Variants in EDF1 observed in about 807,000 individuals in gnomAD.
The protein encoded by EDF1 is endothelial differentiation related factor 1, also known as endothelial differentiation-related factor 1.
In EDF1, 5 loss-of-function variants were observed where a neutral mutation model predicts 20.8. The ratio of observed to expected loss-of-function variants is 0.24; its 90% confidence interval spans 0.13 to 0.51. EDF1 has a LOEUF of 0.51. Among genes scored for constraint, EDF1 ranks in the 20% least tolerant of loss-of-function variants. The pLI is 0.97. For missense variants in EDF1, 137 were observed against 197.8 expected, an observed-to-expected ratio of 0.69 and a Z score of 1.84; for synonymous variants, 96 against 78.5, an observed-to-expected ratio of 1.22 and a Z score of -1.18.
chr9:136,862,282 G>C lies in EDF1; in HGVS notation c.*2C>G. On this transcript the variant is annotated 3_prime_UTR_variant, in exon 5 of 5. Transcript: ENST00000224073. The surrounding 1 kb of genome is among the most constrained non-coding windows in gnomAD (Gnocchi z 4.1). ...GAGCGCACTGATTTCGAGGCTTTGT[G>C]TTCATTTCGCCCTAGGCCCCTTCTC... is the stretch of plus-strand genomic sequence containing the variant. 1 of 1,613,998 alleles carries C rather than the reference G, an allele frequency of 6.2e-7. No individual in the cohort carries two copies. Among genetic ancestry groups the C allele is most frequent in the Non-Finnish European group, 8.5e-7 (1 of 1,179,994 alleles).
chr9:136,865,195 C>G (rs150874291), intron 1 of EDF1, among the ~76,000 whole-genome samples: 1 of 152,150 alleles, frequency 6.6e-6, no homozygotes. Context: ...GAGGCAGAGG[C>G]GGTGACTAAA....
At position 136,863,573 on chromosome 9, in the gene EDF1, G is replaced by A; in HGVS notation, c.131-125C>T. ...TCAAGGGGACATGGGAACCCAGGCT[G>A]TCCCAAGTTCACACACCTCAGGTCG... On this transcript the variant is annotated intron_variant, in intron 2 of 4. Transcript: ENST00000224073. This position sits in a 1 kb window ranked among gnomAD's most constrained non-coding sequence, Gnocchi z 4.5. The A allele has an allele frequency of 7.7e-7, 1 of 1,306,204 alleles. No individual in the cohort carries two copies. The highest frequency in any genetic ancestry group is 1.0e-6 in the Non-Finnish European group (1 of 964,156). The allele number at this position is 1,306,204 out of a possible 1,614,324, so 80.9% of individuals were successfully genotyped here.
At position 136,866,170 on chromosome 9, in the gene EDF1, C is replaced by G; in HGVS notation, c.78+11G>C. The G allele has an allele frequency of 6.3e-7, 1 of 1,594,262 alleles. No individual in the cohort carries two copies. The highest frequency in any genetic ancestry group is 1.4e-5 in the African/African-American group (1 of 72,036). On this transcript the variant is annotated intron_variant, in intron 1 of 4. Coordinates refer to ENST00000224073, the MANE Select transcript of EDF1 (RefSeq NM_003792.4). ...CCGCCCGGCCCGGCCGCTCCTCAGTCAGCAAAGCACCTGCTTGGATTTGGC... is the reference window on the plus strand; with the variant it reads ...CCGCCCGGCCCGGCCGCTCCTCAGTGAGCAAAGCACCTGCTTGGATTTGGC...
rs1228489578 is a variant in EDF1 at position 136,866,288 on chromosome 9, G to C, written c.-30C>G. ...GGCGAAGACGAGCGTCCGTCCGGCGGCTCAGCGGCAGCTGCTAGAGACCTG... is the reference window on the plus strand; with the variant it reads ...GGCGAAGACGAGCGTCCGTCCGGCGCCTCAGCGGCAGCTGCTAGAGACCTG... On this transcript the variant is annotated 5_prime_UTR_variant, in exon 1 of 5. Transcript: ENST00000224073. 1.3e-6 allele frequency: 2 copies of C among 1,590,916 alleles called. No individual in the cohort carries two copies. The highest frequency in any genetic ancestry group is 2.3e-5 in the South Asian group (2 of 88,472).
intron 1 of EDF1, 25 bp downstream of exon 1, chr9:136,866,156 G>T: frequency 6.3e-7 from 1 of 1,581,212 alleles, no homozygotes; most frequent in Non-Finnish European, 8.6e-7. Flanking sequence ...CGCCCGGCCC[G>T]GCCGCTCCTC....
Position 136,862,450 on chromosome 9 carries a change from C to T in EDF1, c.386-105G>A, listed in dbSNP as rs750229317. On this transcript the variant is annotated intron_variant, in intron 4 of 4. Transcript: ENST00000224073. The surrounding 1 kb of genome is among the most constrained non-coding windows in gnomAD (Gnocchi z 4.1). ...CAGGGAAGGGGGGCCACGCCGCTCC[C>T]GTGCCTCACTGGGCTCTCAGCACAC... 3.1e-6 allele frequency: 5 copies of T among 1,613,514 alleles called. No homozygotes were observed. Among genetic ancestry groups the T allele is most frequent in the Admixed American group, 3.3e-5 (2 of 60,026 alleles).
At chr9:136,864,918 C>T (rs747856506) in intron 1 of EDF1, among the ~76,000 whole-genome samples, 4 of 152,164 alleles carry the variant, frequency 2.6e-5, no homozygotes, top group Admixed American at 6.5e-5. Context: ...CCACCGCGCC[C>T]GGCCAACATT....
In EDF1 at chr9:136,862,121, C is replaced by T; in HGVS notation, c.*163G>A. ...GAAAAACAGCCAGCAGAACCCAGCG[C>T]TTTGCAAGGTTTTGTTTGTTTGACA... On this transcript the variant is annotated 3_prime_UTR_variant, in exon 5 of 5. Coordinates refer to ENST00000224073, the MANE Select transcript of EDF1 (RefSeq NM_003792.4). This position sits in a 1 kb window ranked among gnomAD's most constrained non-coding sequence, Gnocchi z 4.1. The T allele has an allele frequency of 1.1e-6, 1 of 901,978 alleles. No homozygotes were observed. The highest frequency in any genetic ancestry group is 1.8e-6 in the Non-Finnish European group (1 of 565,428). The allele number at this position is 901,978 out of a possible 1,614,324, so 55.9% of individuals were successfully genotyped here. A position where few individuals can be genotyped will look rare whatever the true frequency, so the allele number is the denominator to read the frequency against.
Position 136,862,431 on chromosome 9 carries a change from AG to A in EDF1, c.386-87del, listed in dbSNP as rs545894668. The A allele has an allele frequency of 1.2e-6, 2 of 1,613,628 alleles. No homozygotes were observed. Among genetic ancestry groups the A allele is most frequent in the Non-Finnish European group, 1.7e-6 (2 of 1,179,944 alleles). On this transcript the variant is annotated intron_variant, in intron 4 of 4. Transcript: ENST00000224073. The surrounding 1 kb of genome is among the most constrained non-coding windows in gnomAD (Gnocchi z 4.1). ...CCCCTCTTCAACATCTTCCCAGGGA[AG>A]GGGGGCCACGCCGCTCCCGTGCCTC...
chr9:136,863,213 CG>C lies in EDF1; in HGVS notation c.291+74del. Reference sequence around the variant, plus strand: ...CCAGGGGGGTGGAGCCCACCCTCCCCGTGCTATCTGAACACCGGCCATCCCC... The same window carrying C: ...CCAGGGGGGTGGAGCCCACCCTCCCCTGCTATCTGAACACCGGCCATCCCC... On this transcript the variant is annotated intron_variant, in intron 3 of 4. Coordinates refer to ENST00000224073, the MANE Select transcript of EDF1 (RefSeq NM_003792.4). The surrounding 1 kb of genome is among the most constrained non-coding windows in gnomAD (Gnocchi z 4.5). The C allele has an allele frequency of 1.3e-6, 2 of 1,566,416 alleles. No homozygotes were observed. Among genetic ancestry groups the C allele is most frequent in the Non-Finnish European group, 1.7e-6 (2 of 1,158,320 alleles).
chr9:136,863,793 G>A lies in EDF1; in HGVS notation c.130+27C>T. On this transcript the variant is annotated intron_variant, in intron 2 of 4. Transcript: ENST00000224073. The surrounding 1 kb of genome is among the most constrained non-coding windows in gnomAD (Gnocchi z 4.5). ...CATGGACCCCACAGCACAGCCTCAT[G>A]TTGCAAGCGGAAACACAAGTACCTA... The A allele has an allele frequency of 6.2e-7, 1 of 1,613,680 alleles. No individual in the cohort carries two copies. Among genetic ancestry groups the A allele is most frequent in the South Asian group, 1.1e-5 (1 of 91,078 alleles).
chr9:136,864,955 G>A (rs939903426), intron 1 of EDF1, among the ~76,000 whole-genome samples: 7 of 152,160 alleles, frequency 4.6e-5, no homozygotes, highest in Admixed American at 3.9e-4. Context: ...AGTGACTTGT[G>A]GAGCATCCTA....
chr9:136,862,232 G>T lies in EDF1; in HGVS notation c.*52C>A. 1 of 1,610,892 alleles carries T rather than the reference G, an allele frequency of 6.2e-7. No individual in the cohort carries two copies. The highest frequency in any genetic ancestry group is 8.5e-7 in the Non-Finnish European group (1 of 1,177,304). On this transcript the variant is annotated 3_prime_UTR_variant, in exon 5 of 5. Coordinates refer to ENST00000224073, the MANE Select transcript of EDF1 (RefSeq NM_003792.4). This position sits in a 1 kb window ranked among gnomAD's most constrained non-coding sequence, Gnocchi z 4.1. ...AGGAGAACGGAACTGGCGGCCAAGG[G>T]GAACCGGCGGAACGAGATCAGCTGG...
In EDF1 at chr9:136,863,258, C is replaced by A. The variant is rs1249624379; in HGVS notation, c.291+30G>T. ...CATCCCCCTCCCCAAACCCACAACC[C>A]CAGGAGTGAGAGCCCCGGCGCAGCC... is the stretch of plus-strand genomic sequence containing the variant. On this transcript the variant is annotated intron_variant, in intron 3 of 4. Transcript: ENST00000224073. The surrounding 1 kb of genome is among the most constrained non-coding windows in gnomAD (Gnocchi z 4.5). 2 of 1,603,310 alleles carry A rather than the reference C, an allele frequency of 1.2e-6. No homozygotes were observed. Among genetic ancestry groups the A allele is most frequent in the Non-Finnish European group, 1.7e-6 (2 of 1,176,076 alleles).
In EDF1 at chr9:136,862,223, C is replaced by T. The variant is rs369629277; in HGVS notation, c.*61G>A. On this transcript the variant is annotated 3_prime_UTR_variant, in exon 5 of 5. Coordinates refer to ENST00000224073, the MANE Select transcript of EDF1 (RefSeq NM_003792.4). This position sits in a 1 kb window ranked among gnomAD's most constrained non-coding sequence, Gnocchi z 4.1. ...CGGCCCGTGAGGAGAACGGAACTGG[C>T]GGCCAAGGGGAACCGGCGGAACGAG... 26 of 1,605,200 alleles carry T rather than the reference C, an allele frequency of 1.6e-5. No homozygotes were observed. Among genetic ancestry groups the T allele is most frequent in the South Asian group, 4.4e-5 (4 of 90,858 alleles).
rs1849160195 is a variant in EDF1 at position 136,863,804 on chromosome 9, A to C, written c.130+16T>G. On this transcript the variant is annotated intron_variant, in intron 2 of 4. Coordinates refer to ENST00000224073, the MANE Select transcript of EDF1 (RefSeq NM_003792.4). The surrounding 1 kb of genome is among the most constrained non-coding windows in gnomAD (Gnocchi z 4.5). ...CAGCACAGCCTCATGTTGCAAGCGG[A>C]AACACAAGTACCTACATTTCTTGGA... The C allele has an allele frequency of 1.2e-6, 2 of 1,613,774 alleles. No homozygotes were observed. Among genetic ancestry groups the C allele is most frequent in the Admixed American group, 1.7e-5 (1 of 60,004 alleles).
chr9:136,862,872 C>G lies in EDF1; in HGVS notation c.385+34G>C, dbSNP rs764318137. On this transcript the variant is annotated intron_variant, in intron 4 of 4. Coordinates refer to ENST00000224073, the MANE Select transcript of EDF1 (RefSeq NM_003792.4). The surrounding 1 kb of genome is among the most constrained non-coding windows in gnomAD (Gnocchi z 4.1). ...GCTGGGAGCGGGTAGCCTCCCTGTT[C>G]AGCGGACCCGGCGAAGGGTGGAGGG... 19 of 1,612,396 alleles carry G rather than the reference C, an allele frequency of 1.2e-5. No homozygotes were observed. The East Asian group carries it at 1.8e-4, about 15-fold the overall frequency.
chr9:136,862,628 T>C lies in EDF1; in HGVS notation c.385+278A>G, dbSNP rs1849126364. 21 of 1,513,380 alleles carry C rather than the reference T, an allele frequency of 1.4e-5. No homozygotes were observed. The South Asian group carries it at 2.5e-4, about 18-fold the overall frequency. 93.7% of individuals were successfully genotyped at this position (1,513,380 alleles called of 1,614,324 possible). A position where few individuals can be genotyped will look rare whatever the true frequency, so the allele number is the denominator to read the frequency against. On this transcript the variant is annotated intron_variant, in intron 4 of 4. Transcript: ENST00000224073. The surrounding 1 kb of genome is among the most constrained non-coding windows in gnomAD (Gnocchi z 4.1). ...ATGCTGACAGGGCCCGGACCCGCTG[T>C]GCTCAGGCTCAGAGAACCATCGCCA...
chr9:136,864,272 ATTT>A (rs530718830), intron 1 of EDF1, among the ~76,000 whole-genome samples: 4 of 134,976 alleles, frequency 3.0e-5, no homozygotes, highest in Non-Finnish European at 1.6e-5. Flanking sequence ...CACACTAGGG[ATTT>A]TTTTTTTTTT....
Sources: gnomAD v4.1 joint callset for allele counts (sites outside exome capture counted in the v4.1 genomes callset) on GRCh38, gnomAD v4.1.1 for gene constraint, Gnocchi (gnomAD v3.1) non-coding constraint, MANE v1.5 for transcripts, NCBI Gene and HGNC (gene_info 2026-07-23, HGNC 2026-07-21) for gene names.